Variants in PEX26 observed in about 807,000 individuals in gnomAD.
PEX26 encodes the protein peroxisome assembly protein 26.
A neutral mutation model predicts 31.4 loss-of-function variants in PEX26; 18 were observed. The ratio of observed to expected loss-of-function variants is 0.57; its 90% CI spans 0.40 to 0.85. The LOEUF (loss-of-function observed/expected upper bound fraction) is 0.85, where lower values mean the gene tolerates loss of function less well. Among genes scored for constraint, PEX26 ranks in the 40% least tolerant of loss-of-function variants. The pLI is 0.00. For missense variants in PEX26, 377 were observed against 383.9 expected, an observed-to-expected ratio of 0.98 and a Z score of 0.15; for synonymous variants, 176 against 166.9, an observed-to-expected ratio of 1.05 and a Z score of -0.42.
rs76345477 is a variant in PEX26 at position 18,078,270 on chromosome 22, G to A, written c.-107G>A. On this transcript the variant is annotated 5_prime_UTR_variant, in exon 1 of 5. Transcript: ENST00000399744. Reference sequence around the variant, plus strand: ...CCTCGGGAAGGGGTGTGGGCAAAGAGATGAGGACTCTCCCTCTTCGCCCAG... The same window carrying A: ...CCTCGGGAAGGGGTGTGGGCAAAGAAATGAGGACTCTCCCTCTTCGCCCAG... 883 of 823,580 alleles carry A rather than the reference G, an allele frequency of 1.1e-3. 1 individual carries two copies. In the African/African-American group the frequency reaches 0.013, roughly 12 times the overall value. The allele number at this position is 823,580 out of a possible 1,614,324, so 51.0% of individuals were successfully genotyped here.
At position 18,079,859 on chromosome 22, in the gene PEX26, T is replaced by G. The variant is rs768299342; in HGVS notation, c.231-15T>G. 1.4e-5 allele frequency: 23 copies of G among 1,613,738 alleles called. No homozygotes were observed. The highest frequency in any genetic ancestry group is 1.9e-5 in the Non-Finnish European group (23 of 1,179,920). ...GGGAACCACTTCTAACTGAAATTGGTTTTTCTGCTGACAGCTCATTGGAGG... is the reference window on the plus strand; with the variant it reads ...GGGAACCACTTCTAACTGAAATTGGGTTTTCTGCTGACAGCTCATTGGAGG... On this transcript the variant is annotated splice_polypyrimidine_tract_variant and intron_variant, in intron 1 of 4. Transcript: ENST00000399744.
In PEX26 at chr22:18,088,795, T is replaced by C. The variant is rs1926953977; in HGVS notation, c.*720T>C. 1 of 159,998 alleles carries C rather than the reference T, an allele frequency of 6.3e-6. No homozygotes were observed. Among genetic ancestry groups the C allele is most frequent in the South Asian group, 1.8e-4 (1 of 5,686 alleles). 9.9% of individuals were successfully genotyped at this position (159,998 alleles called of 1,614,324 possible). Reference sequence around the variant, plus strand: ...CCCACAGGACAGTACCTTAATTAGCTAGAGTAGATCTGAGAGGGCCTCTTC... The same window carrying C: ...CCCACAGGACAGTACCTTAATTAGCCAGAGTAGATCTGAGAGGGCCTCTTC... On this transcript the variant is annotated 3_prime_UTR_variant, in exon 5 of 5. Transcript: ENST00000399744. The surrounding 1 kb of genome is among the most constrained non-coding windows in gnomAD (Gnocchi z 4.1).
chr22:18,079,924 C>A lies in PEX26; in HGVS notation c.281C>A (p.Ala94Glu). ...TGTGTTGTGGGGATCCAGGCCCTGG[C>A]AGAAATGGATCGGTGGCAAGAAGTC... ...SLCVVGIQAL[A>E]EMDRWQEVLS... The change falls in exon 2 of 5, where the codon GCA becomes GAA. Residue 94 changes from alanine to glutamate, a missense_variant. Coordinates refer to ENST00000399744, the MANE Select transcript of PEX26 (RefSeq NM_001127649.3). 6.2e-7 allele frequency: 1 copy of A among 1,614,048 alleles called. No homozygotes were observed. The highest frequency in any genetic ancestry group is 1.3e-5 in the African/African-American group (1 of 75,004).
intron 2 of PEX26, among the ~76,000 whole-genome samples, chr22:18,080,676 G>T (rs561987131): frequency 1.3e-5 from 2 of 152,044 alleles, no homozygotes; most frequent in South Asian, 2.1e-4. Flanking sequence ...ATATTTATGG[G>T]GTAAATTAGA....
chr22:18,083,838 A>G (rs1926724036), intron 3 of PEX26, 106 bp downstream of exon 3: 4 of 1,019,606 alleles, frequency 3.9e-6, no homozygotes, highest in Admixed American at 2.0e-5. Flanking sequence ...AGTTCTTTGT[A>G]TGAATAACTC....
Position 18,094,088 on chromosome 22 carries a change from T to G in PEX26, c.*6013T>G, listed in dbSNP as rs958330395. The G allele has an allele frequency of 2.0e-5, 3 of 152,262 alleles. No individual in the cohort carries two copies. Among genetic ancestry groups the G allele is most frequent in the Non-Finnish European group, 4.4e-5 (3 of 68,048 alleles). The allele number at this position is 152,262 out of a possible 1,614,324, so 9.4% of individuals were successfully genotyped here. On this transcript the variant is annotated 3_prime_UTR_variant, in exon 5 of 5. Coordinates refer to ENST00000399744, the MANE Select transcript of PEX26 (RefSeq NM_001127649.3). ...CCAGCTCGTATTTTCCAACAGCCCC[T>G]TTAAAACTTTTAGCATCCTCTTGTC... is the stretch of plus-strand genomic sequence containing the variant.
Position 18,105,012 on chromosome 22 carries a change from T to C in PEX26, c.*16937T>C, listed in dbSNP as rs554538018. On this transcript the variant is annotated 3_prime_UTR_variant, in exon 5 of 5. Transcript: ENST00000399744. Reference sequence around the variant, plus strand: ...ATGACAAGTACCTGAATCTAGATAATCTAATGGTAAGATATCGTTTGCTCT... The same window carrying C: ...ATGACAAGTACCTGAATCTAGATAACCTAATGGTAAGATATCGTTTGCTCT... 1 of 152,294 alleles carries C rather than the reference T, an allele frequency of 6.6e-6. No individual in the cohort carries two copies. The highest frequency in any genetic ancestry group is 1.9e-4 in the East Asian group (1 of 5,188). The allele number at this position is 152,294 out of a possible 1,614,324, so 9.4% of individuals were successfully genotyped here.
rs1392388363 is a variant in PEX26 at position 18,093,525 on chromosome 22, T to C, written c.*5450T>C. ...TTGCAGTGAGCCTAGATGGCGCCAC[T>C]GCACTCCAGCCTGGGGGACAGAGCA... On this transcript the variant is annotated 3_prime_UTR_variant, in exon 5 of 5. Transcript: ENST00000399744. 2 of 150,324 alleles carry C rather than the reference T, an allele frequency of 1.3e-5. No homozygotes were observed. The allele number at this position is 150,324 out of a possible 1,614,324, so 9.3% of individuals were successfully genotyped here.
chr22:18,083,995 A>G (rs1474599833), intron 3 of PEX26, among the ~76,000 whole-genome samples: 3 of 152,148 alleles, frequency 2.0e-5, no homozygotes, highest in Non-Finnish European at 1.5e-5. Context: ...TCATTTTCCC[A>G]TTGGAGTCCT....
At chr22:18,080,101 C>T (rs1344518320) in intron 2 of PEX26, 87 bp downstream of exon 2, 1 of 1,398,746 alleles carries the variant, frequency 7.1e-7, no homozygotes, top group Non-Finnish European at 1.0e-6. Context: ...TTTTCCCCTT[C>T]CCTACTATTG....
chr22:18,093,979 G>C lies in PEX26; in HGVS notation c.*5904G>C, dbSNP rs1223707728. ...TCCAAGGCCCACTCACCAAGGGCTG[G>C]ATCCAAATATGTGGGGTTGGGATTC... On this transcript the variant is annotated 3_prime_UTR_variant, in exon 5 of 5. Coordinates refer to ENST00000399744, the MANE Select transcript of PEX26 (RefSeq NM_001127649.3). The C allele has an allele frequency of 2.6e-5, 4 of 152,250 alleles. No individual in the cohort carries two copies. Among genetic ancestry groups the C allele is most frequent in the Admixed American group, 6.5e-5 (1 of 15,282 alleles). 9.4% of individuals were successfully genotyped at this position (152,250 alleles called of 1,614,324 possible). A position where few individuals can be genotyped will look rare whatever the true frequency, so the allele number is the denominator to read the frequency against.
chr22:18,079,770 A>G (rs1183132710), intron 1 of PEX26, 104 bp from the exon 2 acceptor site: 9 of 1,286,314 alleles, frequency 7.0e-6, no homozygotes, highest in Non-Finnish European at 1.0e-5. Context: ...GAGAGAGATG[A>G]TGGCTGCTGA....
intron 2 of PEX26, among the ~76,000 whole-genome samples, chr22:18,080,734 T>C (rs1383491990): frequency 1.3e-5 from 2 of 152,174 alleles, no homozygotes; most frequent in African/African-American, 4.8e-5. Flanking sequence ...CAAATCAGGG[T>C]AGTTAGCATA....
rs1347126834 is a variant in PEX26, at chr22:18,092,154, T to C, written c.*4079T>C. The stretch of plus-strand genomic sequence containing the variant: ...CGGAAAAGCCGTGGGGCCGATGGAC[T>C]TTGGCCTCACATCCACAGATGGGGC... On this transcript the variant is annotated 3_prime_UTR_variant, in exon 5 of 5. Coordinates refer to ENST00000399744, the MANE Select transcript of PEX26 (RefSeq NM_001127649.3). 6.6e-6 allele frequency: 1 copy of C among 152,284 alleles called. No individual in the cohort carries two copies. Among genetic ancestry groups the C allele is most frequent in the Non-Finnish European group, 1.5e-5 (1 of 68,088 alleles). The allele number at this position is 152,284 out of a possible 1,614,324, so 9.4% of individuals were successfully genotyped here.
Position 18,093,620 on chromosome 22 carries a change from A to T in PEX26, c.*5545A>T, listed in dbSNP as rs1246794708. The T allele has an allele frequency of 6.6e-6, 1 of 152,218 alleles. No individual in the cohort carries two copies. The highest frequency in any genetic ancestry group is 1.5e-5 in the Non-Finnish European group (1 of 68,054). 9.4% of individuals were successfully genotyped at this position (152,218 alleles called of 1,614,324 possible). ...ATAAAGTGGTTACATTCTAACTTTA[A>T]CTTCCTTAGTACCATGCTGCAGGTT... On this transcript the variant is annotated 3_prime_UTR_variant, in exon 5 of 5. Coordinates refer to ENST00000399744, the MANE Select transcript of PEX26 (RefSeq NM_001127649.3).
chr22:18,087,452 C>T (rs1013360019), intron 4 of PEX26, among the ~76,000 whole-genome samples: 2 of 152,186 alleles, frequency 1.3e-5, no homozygotes, highest in African/African-American at 4.8e-5. Context: ...CCCCTGTGGA[C>T]GACTCTGTTT....
rs981817388 is a variant in PEX26 at position 18,098,563 on chromosome 22, C to T, written c.*10488C>T. 3.3e-5 allele frequency: 5 copies of T among 151,748 alleles called. No individual in the cohort carries two copies. The East Asian group carries it at 9.8e-4, about 30-fold the overall frequency. 9.4% of individuals were successfully genotyped at this position (151,748 alleles called of 1,614,324 possible). On this transcript the variant is annotated 3_prime_UTR_variant, in exon 5 of 5. Coordinates refer to ENST00000399744, the MANE Select transcript of PEX26 (RefSeq NM_001127649.3). ...AGGAGAATCTCTGGAACCTGGGAGGCAGAGGTTGCAGTGAGCTGAGATCCT... is the reference window on the plus strand; with the variant it reads ...AGGAGAATCTCTGGAACCTGGGAGGTAGAGGTTGCAGTGAGCTGAGATCCT...
rs114629317 is a variant in PEX26 at position 18,078,809 on chromosome 22, A to T, written c.230+203A>T. The T allele has an allele frequency of 6.0e-3, 4,237 of 703,574 alleles. 129 individuals carry two copies. In the African/African-American group the frequency reaches 0.064, roughly 11 times the overall value. The allele number at this position is 703,574 out of a possible 1,614,324, so 43.6% of individuals were successfully genotyped here. ...GTCGTGTAACAAAAACTTAGTGGGG[A>T]TCCCACAGCCAATTATTTGCTCCTT... On this transcript the variant is annotated intron_variant, in intron 1 of 4. Transcript: ENST00000399744.
In PEX26 at chr22:18,104,668, C is replaced by T. The variant is rs1014034377; in HGVS notation, c.*16593C>T. On this transcript the variant is annotated 3_prime_UTR_variant, in exon 5 of 5. Transcript: ENST00000399744. ...CTCTGCACAGTCTGTCACTGACTCC[C>T]GCTCCCAGTGCTCACTGCCTCTTGT... is the stretch of plus-strand genomic sequence containing the variant. The T allele has an allele frequency of 6.6e-6, 1 of 152,654 alleles. No individual in the cohort carries two copies. The highest frequency in any genetic ancestry group is 1.5e-5 in the Non-Finnish European group (1 of 68,230). The allele number at this position is 152,654 out of a possible 1,614,324, so 9.5% of individuals were successfully genotyped here.
Sources: gnomAD v4.1 joint callset for allele counts (sites outside exome capture counted in the v4.1 genomes callset) on GRCh38, gnomAD v4.1.1 for gene constraint, Gnocchi (gnomAD v3.1) non-coding constraint, MANE v1.5 for transcripts, NCBI Gene and HGNC (gene_info 2026-07-23, HGNC 2026-07-21) for gene names.